Variants in CSMD1 observed in about 807,000 individuals in gnomAD.
CSMD1 encodes the protein CUB and sushi domain-containing protein 1.
Under a neutral mutation model 417.5 loss-of-function variants are expected in CSMD1, and 213 were observed. The ratio of observed to expected loss-of-function variants is 0.51; its 90% CI spans 0.46 to 0.57. CSMD1 has a LOEUF of 0.57. Among genes scored for constraint, CSMD1 ranks in the 20% least tolerant of loss-of-function variants. The pLI, the probability that CSMD1 is intolerant of heterozygous loss-of-function variation, is 0.00. For missense variants in CSMD1, 6,923 were observed against 4,529.7 expected (o/e 1.53, Z -15.17); for synonymous variants, 2,862 against 1,736.8 (o/e 1.65, Z -16.11).
At chr8:4,363,962 G>T (rs372883766) in intron 3 of CSMD1, among the ~76,000 whole-genome samples, 1 of 152,132 alleles carries the variant, frequency 6.6e-6, no homozygotes, top group Admixed American at 6.5e-5. Context: ...GAAAGAATGA[G>T]TAAGACCTAC....
intron 3 of CSMD1, among the ~76,000 whole-genome samples, chr8:4,271,194 A>C (rs760075468): frequency 6.6e-6 from 1 of 152,114 alleles, no homozygotes; most frequent in African/African-American, 2.4e-5. Context: ...TTATGGATAG[A>C]TGTAAACATA....
chr8:3,458,063 G>C (rs757120812), intron 12 of CSMD1, among the ~76,000 whole-genome samples: 33 of 152,290 alleles, frequency 2.2e-4, no homozygotes, highest in Admixed American at 1.5e-3. Context: ...ATACAGATTG[G>C]AGAACGTCTC....
At chr8:4,592,819 GT>G in intron 2 of CSMD1, among the ~76,000 whole-genome samples, 1 of 152,138 alleles carries the variant, frequency 6.6e-6, no homozygotes, top group South Asian at 2.1e-4. Flanking sequence ...GAAATATCCT[GT>G]TGTTTAATCA....
chr8:4,263,466 C>T (rs905141252), intron 3 of CSMD1, among the ~76,000 whole-genome samples: 1 of 152,150 alleles, frequency 6.6e-6, no homozygotes, highest in Non-Finnish European at 1.5e-5. Flanking sequence ...ATAGTTGTTC[C>T]TTCCAAACTA....
At chr8:4,529,369 C>G (rs945216351) in intron 2 of CSMD1, among the ~76,000 whole-genome samples, 7 of 152,152 alleles carry the variant, frequency 4.6e-5, no homozygotes, top group African/African-American at 9.7e-5. Flanking sequence ...AATATGTTTG[C>G]TCAAATGTAA....
intron 3 of CSMD1, among the ~76,000 whole-genome samples, chr8:4,161,997 T>TGACTAACCATTCTGTATTTGCCTTC (rs1797201504): frequency 6.6e-6 from 1 of 152,222 alleles, no homozygotes; most frequent in Admixed American, 6.5e-5. Flanking sequence ...ATTGTGCCTT[T>TGACTAACCATTCTGTATTTGCCTTC]GACTAACCAT....
chr8:4,153,510 G>A (rs1021515604), intron 3 of CSMD1, among the ~76,000 whole-genome samples: 5 of 152,194 alleles, frequency 3.3e-5, no homozygotes, highest in Admixed American at 6.5e-5. Flanking sequence ...GCTCACAATT[G>A]TTGAATTACA....
chr8:4,767,227 G>C (rs187576435), intron 1 of CSMD1, among the ~76,000 whole-genome samples: 1 of 152,254 alleles, frequency 6.6e-6, no homozygotes, highest in African/African-American at 2.4e-5. Context: ...GTACACTGTC[G>C]AGTCCCAAAT....
In CSMD1 at chr8:4,796,757, G is replaced by A. The variant is rs116423880; in HGVS notation, c.86-159199C>T. Among the ~76,000 whole-genome samples, 640 of 152,252 alleles carry A rather than the reference G, an allele frequency of 4.2e-3. 8 individuals are homozygous for A. The highest frequency in any genetic ancestry group is 0.015 in the African/African-American group (621 of 41,536). On this transcript the variant is annotated intron_variant, in intron 1 of 69. Coordinates refer to ENST00000635120, the MANE Select transcript of CSMD1 (RefSeq NM_033225.6). ...TCCCATTTTTTATTTCAGTGGAGCC[G>A]AATTCAGTCCCCTTCCCCTTTTGCA...
chr8:4,005,765 C>T (rs536089158), intron 4 of CSMD1, among the ~76,000 whole-genome samples: 2 of 152,276 alleles, frequency 1.3e-5, no homozygotes, highest in African/African-American at 4.8e-5. Context: ...TACAAGCAAA[C>T]ATTAACATCA....
At chr8:4,450,936 A>G (rs991797698) in intron 2 of CSMD1, among the ~76,000 whole-genome samples, 2 of 152,154 alleles carry the variant, frequency 1.3e-5, no homozygotes, top group Admixed American at 1.3e-4. Context: ...GGGCCAATAA[A>G]AGAACCCATA....
intron 2 of CSMD1, among the ~76,000 whole-genome samples, chr8:4,462,470 T>A (rs572141730): frequency 3.3e-5 from 5 of 152,126 alleles, no homozygotes; most frequent in South Asian, 2.1e-4. Context: ...TCTGCTGGCT[T>A]ATTTGCGTAC....
At chr8:4,990,745 G>C (rs1333340107) in intron 1 of CSMD1, among the ~76,000 whole-genome samples, 1 of 152,048 alleles carries the variant, frequency 6.6e-6, no homozygotes, top group Non-Finnish European at 1.5e-5. Flanking sequence ...AGGAGGAAGG[G>C]TATTGGGTGC....
At chr8:3,805,129 C>T (rs76404469) in intron 5 of CSMD1, among the ~76,000 whole-genome samples, 2,293 of 152,246 alleles carry the variant, frequency 0.015, 61 homozygotes, top group African/African-American at 0.052. Flanking sequence ...CTAGAATTGC[C>T]TCAGATTCCA....
At chr8:4,013,113 T>C (rs2130448168) in intron 4 of CSMD1, among the ~76,000 whole-genome samples, 1 of 152,244 alleles carries the variant, frequency 6.6e-6, no homozygotes, top group East Asian at 1.9e-4. Context: ...CACGATGTCG[T>C]TTTTCTTCTC....
At chr8:4,422,481 G>A (rs533608813) in intron 2 of CSMD1, among the ~76,000 whole-genome samples, 2 of 152,146 alleles carry the variant, frequency 1.3e-5, no homozygotes, top group Admixed American at 6.6e-5. Context: ...GAAAAGAGAA[G>A]GATTCCTTTC....
intron 2 of CSMD1, among the ~76,000 whole-genome samples, chr8:4,425,370 T>C (rs1447873502): frequency 1.6e-5 from 2 of 124,210 alleles, no homozygotes; most frequent in African/African-American, 3.3e-5. Context: ...TTCATTCTTA[T>C]TTGTGTGCCA....
At chr8:3,538,325 T>G (rs1798290221) in intron 10 of CSMD1, among the ~76,000 whole-genome samples, 1 of 150,934 alleles carries the variant, frequency 6.6e-6, no homozygotes, top group Non-Finnish European at 1.5e-5. Context: ...CGATGCCTCA[T>G]CTGAGATTAT....
chr8:3,921,702 C>G (rs931840800), intron 5 of CSMD1, among the ~76,000 whole-genome samples: 4 of 151,916 alleles, frequency 2.6e-5, no homozygotes, highest in Admixed American at 6.6e-5. Context: ...ACTAATTTTC[C>G]TCCTCTCCCT....
Sources: gnomAD v4.1 joint callset for allele counts (sites outside exome capture counted in the v4.1 genomes callset) on GRCh38, gnomAD v4.1.1 for gene constraint, MANE v1.5 for transcripts, NCBI Gene and HGNC (gene_info 2026-07-23, HGNC 2026-07-21) for gene names.